Variants in CDH15 observed in about 807,000 individuals in gnomAD.
CDH15 encodes cadherin 15, also known as cadherin-15.
In CDH15, 73 loss-of-function variants were observed where a neutral mutation model predicts 69.4. That is an observed-to-expected ratio of 1.05 (90% CI 0.87 to 1.28). CDH15 has a LOEUF of 1.28. Ranked by LOEUF, CDH15 falls within the 50% of genes most tolerant of loss-of-function variation. The pLI, the probability that CDH15 is intolerant of heterozygous loss-of-function variation, is 0.00. For synonymous variants in CDH15, 624 were observed against 507.7 expected (o/e 1.23, Z -3.08); for missense variants, 1,343 against 1,133.6 (o/e 1.18, Z -2.65).
intron 7 of CDH15, among the ~76,000 whole-genome samples, chr16:89,189,952 C>A (rs570521085): frequency 1.5e-4 from 23 of 152,366 alleles, no homozygotes; most frequent in African/African-American, 5.3e-4. Context: ...TATTTAAAAT[C>A]AAGTGACTGC....
intron 1 of CDH15, among the ~76,000 whole-genome samples, chr16:89,178,862 G>A (rs1019246496): frequency 6.6e-6 from 1 of 152,180 alleles, no homozygotes; most frequent in Admixed American, 6.5e-5. Flanking sequence ...CCGCTCCCCC[G>A]GACCCTCCAC....
intron 10 of CDH15, 58 bp from the exon 11 acceptor site, chr16:89,192,147 G>A (rs1915662391): frequency 2.7e-6 from 4 of 1,478,440 alleles, no homozygotes; most frequent in Middle Eastern, 2.4e-4. Context: ...CGCGAGGAGG[G>A]CAGGCGAAGT....
At chr16:89,188,408 C>T (rs537052081) in intron 7 of CDH15, 123 bp downstream of exon 7, 20 of 662,072 alleles carry the variant, frequency 3.0e-5, no homozygotes, top group African/African-American at 2.2e-4. Context: ...ACACACATGC[C>T]GGCACACACA....
intron 13 of CDH15, among the ~76,000 whole-genome samples, chr16:89,194,174 G>A (rs1915734256): frequency 6.6e-6 from 1 of 152,210 alleles, no homozygotes; most frequent in Non-Finnish European, 1.5e-5. Context: ...CCCATCCACT[G>A]CCCCGTGTCC....
intron 3 of CDH15, 52 bp downstream of exon 3, chr16:89,180,407 G>T: frequency 6.3e-7 from 1 of 1,581,150 alleles, no homozygotes; most frequent in Non-Finnish European, 8.6e-7. Flanking sequence ...CTGGTGGAAA[G>T]CCAGTGCCCC....
chr16:89,181,618 C>T (rs938194695), intron 3 of CDH15, among the ~76,000 whole-genome samples: 3 of 151,194 alleles, frequency 2.0e-5, no homozygotes, highest in African/African-American at 7.3e-5. Flanking sequence ...GCCTAGGTGA[C>T]AGAGGAAGAC....
chr16:89,185,216 C>G lies in CDH15; in HGVS notation c.546C>G (p.Pro182=). The part of the protein sequence containing the change: ...TRAEATDADD[P]ETDNAALRFS... Reference sequence around the variant, plus strand: ...CAGAGGCCACAGATGCCGACGACCCCGAGACGGACAACGCAGCGCTGCGGT... The same window carrying G: ...CAGAGGCCACAGATGCCGACGACCCGGAGACGGACAACGCAGCGCTGCGGT... The change falls in exon 5 of 14, where the codon CCC becomes CCG. Residue 182 remains proline, a synonymous_variant. Coordinates refer to ENST00000289746, the MANE Select transcript of CDH15 (RefSeq NM_004933.3). The G allele has an allele frequency of 6.2e-7, 1 of 1,605,746 alleles. No homozygotes were observed. The highest frequency in any genetic ancestry group is 1.1e-5 in the South Asian group (1 of 89,752).
intron 9 of CDH15, 43 bp from the exon 10 acceptor site, chr16:89,191,612 C>A (rs1030361335): frequency 1.9e-6 from 3 of 1,569,508 alleles, no homozygotes; most frequent in South Asian, 2.3e-5. Context: ...GTGGGGCAGG[C>A]TGGGGTGTTG....
Position 89,180,340 on chromosome 16 carries a change from G to T in CDH15, c.342G>T (p.Lys114Asn). ...VFLNAMLDRE[K>N]TDRFRLRAFA... ...TCAATGCCATGCTGGACCGCGAGAA[G>T]ACTGATCGCTTCAGGGTGCGGAGCT... Residue 114 changes from lysine to asparagine, a missense_variant, in exon 3 of 14, where the codon AAG (lysine) becomes AAT (asparagine). By Grantham distance (94) the Lys-to-Asn change is moderately conservative (BLOSUM62 0). Coordinates refer to ENST00000289746, the MANE Select transcript of CDH15 (RefSeq NM_004933.3). 6.2e-7 allele frequency: 1 copy of T among 1,612,516 alleles called. No individual in the cohort carries two copies. The highest frequency in any genetic ancestry group is 8.5e-7 in the Non-Finnish European group (1 of 1,179,572).
rs565155072 is a variant in CDH15, at chr16:89,188,301, C to G, written c.978+16C>G. On this transcript the variant is annotated intron_variant, in intron 7 of 13. Transcript: ENST00000289746. Reference sequence around the variant, plus strand: ...CATTGTGAAGGTGAGCGGCCCCCGGCTGGCACACAGATGCCGGCAGACGCA... The same window carrying G: ...CATTGTGAAGGTGAGCGGCCCCCGGGTGGCACACAGATGCCGGCAGACGCA... The G allele has an allele frequency of 1.2e-6, 2 of 1,610,772 alleles. No homozygotes were observed. Among genetic ancestry groups the G allele is most frequent in the Non-Finnish European group, 8.5e-7 (1 of 1,178,660 alleles).
Position 89,193,458 on chromosome 16 carries a change from C to G in CDH15, c.1856-12C>G. The G allele has an allele frequency of 6.2e-7, 1 of 1,604,452 alleles. No homozygotes were observed. The highest frequency in any genetic ancestry group is 1.1e-5 in the South Asian group (1 of 90,420). ...TGTGCCTGGCCCCAGCCTGCGTCCCCTCATTCCCCAGTGCTGGTCCTGCTC... is the reference window on the plus strand; with the variant it reads ...TGTGCCTGGCCCCAGCCTGCGTCCCGTCATTCCCCAGTGCTGGTCCTGCTC... On this transcript the variant is annotated splice_polypyrimidine_tract_variant and intron_variant, in intron 11 of 13. Coordinates refer to ENST00000289746, the MANE Select transcript of CDH15 (RefSeq NM_004933.3).
chr16:89,193,738 C>A lies in CDH15; in HGVS notation c.1993-17C>A. The A allele has an allele frequency of 1.3e-6, 2 of 1,599,860 alleles. No individual in the cohort carries two copies. Among genetic ancestry groups the A allele is most frequent in the Non-Finnish European group, 1.7e-6 (2 of 1,177,022 alleles). On this transcript the variant is annotated splice_polypyrimidine_tract_variant and intron_variant, in intron 12 of 13. Coordinates refer to ENST00000289746, the MANE Select transcript of CDH15 (RefSeq NM_004933.3). ...ACCCGAGGGATGCCTGGCTCTGTTC[C>A]ACCTCCTCGCCCACAGGACGCCTAC...
intron 5 of CDH15, among the ~76,000 whole-genome samples, chr16:89,186,677 C>A (rs137985452): frequency 7.0e-6 from 1 of 141,856 alleles, no homozygotes; most frequent in African/African-American, 2.6e-5. Flanking sequence ...GCTCACCCAG[C>A]GCACAGTAGG....
At position 89,176,503 on chromosome 16, in the gene CDH15, A is replaced by T. The variant is rs1915258839; in HGVS notation, c.43-2913A>T. On this transcript the variant is annotated intron_variant, in intron 1 of 13. Coordinates refer to ENST00000289746, the MANE Select transcript of CDH15 (RefSeq NM_004933.3). ...AGCGGGGAGCTGGGTGAGGCCTCCC[A>T]CGCAGGGTCCCGCTCACCAGGGCCG... 2.0e-5 allele frequency among the ~76,000 whole-genome samples: 3 copies of T among 152,130 alleles called. No individual in the cohort carries two copies. The South Asian group carries it at 6.2e-4, about 32-fold the overall frequency.
intron 1 of CDH15, among the ~76,000 whole-genome samples, chr16:89,177,866 C>G (rs1038725141): frequency 5.9e-5 from 9 of 152,138 alleles, no homozygotes; most frequent in Admixed American, 4.6e-4. Context: ...CCATGCAGCC[C>G]ACCCAGAAAC....
In CDH15 at chr16:89,193,536, ACG is replaced by A. The variant is rs1403157197; in HGVS notation, c.1923_1924del (p.His641GlnfsTer15). 6.2e-7 allele frequency: 1 copy of A among 1,611,596 alleles called. No individual in the cohort carries two copies. Among genetic ancestry groups the A allele is most frequent in the Non-Finnish European group, 8.5e-7 (1 of 1,179,594 alleles). On this transcript the variant is annotated frameshift_variant, in exon 12 of 14. Transcript: ENST00000289746. LOFTEE classifies it high-confidence loss of function. ...CAGTCTCGGGGCAAGGGGCTGCTGC[ACG>A]GCCCCCAGGACGACCTTCGAGACAA...
intron 4 of CDH15, 113 bp downstream of exon 4, chr16:89,183,805 T>A: frequency 8.8e-7 from 1 of 1,132,780 alleles, no homozygotes; most frequent in Non-Finnish European, 1.2e-6. Context: ...TAAAAATAAG[T>A]AAACAAGTCT....
intron 12 of CDH15, 60 bp downstream of exon 12, chr16:89,193,666 T>G: frequency 4.5e-6 from 7 of 1,567,386 alleles, no homozygotes; most frequent in Non-Finnish European, 6.0e-6. Flanking sequence ...CGGGCCTTCT[T>G]ACAACAAGCT....
chr16:89,190,244 C>T lies in CDH15; in HGVS notation c.980C>T (p.Ala327Val), dbSNP rs1915605449. 2 of 1,612,044 alleles carry T rather than the reference C, an allele frequency of 1.2e-6. No individual in the cohort carries two copies. Among genetic ancestry groups the T allele is most frequent in the Admixed American group, 3.3e-5 (2 of 59,908 alleles). The change falls in exon 8 of 14, where the codon GCC becomes GTC. Residue 327 changes from alanine to valine, a missense_variant and splice_region_variant. By Grantham distance (64) the Ala-to-Val change is moderately conservative (BLOSUM62 0). Coordinates refer to ENST00000289746, the MANE Select transcript of CDH15 (RefSeq NM_004933.3). Reference protein sequence around the residue: ...TNEGVLSIVKALDYESCEHYE... With the variant: ...TNEGVLSIVKVLDYESCEHYE... ...ACGGGCTGTGCTTCCTTCCCTCAGGCCCTGGACTATGAGAGCTGTGAACAC... is the reference window on the plus strand; with the variant it reads ...ACGGGCTGTGCTTCCTTCCCTCAGGTCCTGGACTATGAGAGCTGTGAACAC...
Sources: allele counts gnomAD v4.1 joint callset (sites outside exome capture counted in the v4.1 genomes callset), GRCh38; gene constraint gnomAD v4.1.1; transcripts MANE v1.5; gene names NCBI Gene and HGNC (gene_info 2026-07-23, HGNC 2026-07-21).